Variants in TMEM132D observed in about 807,000 individuals in gnomAD.
TMEM132D encodes mature OL transmembrane protein.
In TMEM132D, 21 loss-of-function variants were observed where a neutral mutation model predicts 62.3. That is an observed-to-expected ratio of 0.34 (90% confidence interval 0.24 to 0.49). The LOEUF is 0.49. Ranked by LOEUF, TMEM132D falls within the 20% of genes least tolerant of loss-of-function variation. The pLI, the probability that TMEM132D is intolerant of heterozygous loss-of-function variation, is 0.99. For synonymous variants in TMEM132D, 621 were observed against 575.6 expected (o/e 1.08, Z -1.13); for missense variants, 1,346 against 1,402.8 (o/e 0.96, Z 0.65).
intron 3 of TMEM132D, among the ~76,000 whole-genome samples, chr12:129,383,788 G>A (rs890868473): frequency 6.6e-6 from 1 of 152,134 alleles, no homozygotes; most frequent in African/African-American, 2.4e-5. Context: ...TTAGTACAAT[G>A]GTTCTTGCCC....
chr12:129,463,406 C>A (rs1873749506), intron 3 of TMEM132D, among the ~76,000 whole-genome samples: 2 of 151,656 alleles, frequency 1.3e-5, no homozygotes, highest in South Asian at 4.2e-4. Context: ...ACATAAGCAA[C>A]CCAAAACAGC....
chr12:129,580,806 T>C (rs147995987), intron 2 of TMEM132D, among the ~76,000 whole-genome samples: 2 of 152,326 alleles, frequency 1.3e-5, no homozygotes, highest in East Asian at 1.9e-4. Flanking sequence ...TAGATTGACA[T>C]AGTTCATCAC....
intron 2 of TMEM132D, among the ~76,000 whole-genome samples, chr12:129,638,971 A>G (rs1475619573): frequency 6.6e-6 from 1 of 152,222 alleles, no homozygotes; most frequent in Non-Finnish European, 1.5e-5. Flanking sequence ...GGATTGAAGT[A>G]TCCGAGAGGA....
chr12:129,828,239 A>G (rs574752654), intron 1 of TMEM132D, among the ~76,000 whole-genome samples: 2 of 152,240 alleles, frequency 1.3e-5, no homozygotes, highest in South Asian at 2.1e-4. Context: ...CGAGCCAGAG[A>G]ATTTTCCTTA....
chr12:129,074,314 T>C lies in TMEM132D; in HGVS notation c.2861A>G (p.Glu954Gly). ...KYRHKQVPFE[E>G]QEGMSHSHDW... ...ATGAGAGTGACTCATCCCTTCCTGC[T>C]CCTCGAAGGGAACCTGTTTGTGTCT... The change falls in exon 9 of 9, where the codon GAG becomes GGG. Residue 954 changes from glutamate to glycine, a missense_variant. Coordinates refer to ENST00000422113, the MANE Select transcript of TMEM132D (RefSeq NM_133448.3). 6.2e-7 allele frequency: 1 copy of C among 1,614,102 alleles called. No individual in the cohort carries two copies. Among genetic ancestry groups the C allele is most frequent in the Non-Finnish European group, 8.5e-7 (1 of 1,180,040 alleles).
chr12:129,385,898 G>C (rs111292213), intron 3 of TMEM132D, among the ~76,000 whole-genome samples: 4,383 of 152,274 alleles, frequency 0.029, 219 homozygotes, highest in African/African-American at 0.1. Flanking sequence ...ATTGCACACA[G>C]AGGCCCCAGA....
At chr12:129,105,613 A>G (rs1053700444) in intron 5 of TMEM132D, among the ~76,000 whole-genome samples, 2 of 150,910 alleles carry the variant, frequency 1.3e-5, no homozygotes, top group African/African-American at 5.0e-5. Flanking sequence ...GAAGGACATG[A>G]ACAGACAATC....
At chr12:129,406,371 ACC>A (rs1205437647) in intron 3 of TMEM132D, among the ~76,000 whole-genome samples, 2 of 152,220 alleles carry the variant, frequency 1.3e-5, no homozygotes, top group African/African-American at 4.8e-5. Flanking sequence ...CTGTAATCCC[ACC>A]ACTTTGGGAG....
At chr12:129,117,785 T>C (rs78893073) in intron 5 of TMEM132D, among the ~76,000 whole-genome samples, 2,571 of 152,372 alleles carry the variant, frequency 0.017, 85 homozygotes, top group African/African-American at 0.059. Flanking sequence ...TTTTCTTTAA[T>C]TCACAAAGCT....
At chr12:129,434,744 C>T (rs1336495522) in intron 3 of TMEM132D, among the ~76,000 whole-genome samples, 3 of 151,858 alleles carry the variant, frequency 2.0e-5, no homozygotes, top group Admixed American at 6.6e-5. Context: ...CTTTGCATAA[C>T]GATCAAATCA....
intron 1 of TMEM132D, among the ~76,000 whole-genome samples, chr12:129,816,645 T>C (rs1220650441): frequency 6.6e-6 from 1 of 151,992 alleles, no homozygotes; most frequent in Non-Finnish European, 1.5e-5. Flanking sequence ...CGAGATGAAA[T>C]GGAAGAAAGA....
chr12:129,165,476 A>G (rs1241803515), intron 5 of TMEM132D, among the ~76,000 whole-genome samples: 1 of 152,228 alleles, frequency 6.6e-6, no homozygotes, highest in Non-Finnish European at 1.5e-5. Context: ...AAAGAAATGG[A>G]TCAGTTGTTT....
chr12:129,362,379 G>T (rs1870274485), intron 3 of TMEM132D, among the ~76,000 whole-genome samples: 1 of 152,086 alleles, frequency 6.6e-6, no homozygotes, highest in African/African-American at 2.4e-5. Context: ...ATTTAAAAGT[G>T]AAATGTCCTT....
At chr12:129,736,913 G>A (rs1181413886) in intron 1 of TMEM132D, among the ~76,000 whole-genome samples, 1 of 151,578 alleles carries the variant, frequency 6.6e-6, no homozygotes, top group Non-Finnish European at 1.5e-5. Flanking sequence ...TGCCACCCGG[G>A]CTCAAGCGAT....
At chr12:129,567,396 C>T (rs973922618) in intron 2 of TMEM132D, among the ~76,000 whole-genome samples, 5 of 152,076 alleles carry the variant, frequency 3.3e-5, no homozygotes, top group Admixed American at 3.3e-4. Context: ...ATCCACATTG[C>T]AACTAACTAT....
chr12:129,474,832 C>A (rs532228338), intron 3 of TMEM132D, among the ~76,000 whole-genome samples: 1 of 152,242 alleles, frequency 6.6e-6, no homozygotes, highest in African/African-American at 2.4e-5. Flanking sequence ...ATGACATTGA[C>A]CTCCAGAGGA....
intron 2 of TMEM132D, among the ~76,000 whole-genome samples, chr12:129,595,423 G>A (rs2137138308): frequency 6.6e-6 from 1 of 152,308 alleles, no homozygotes; most frequent in South Asian, 2.1e-4. Context: ...GACCACAGGG[G>A]GAGAGAAGAG....
In TMEM132D at chr12:129,571,593, A is replaced by T. The variant is rs189372058; in HGVS notation, c.969-40388T>A. 3.6e-3 allele frequency among the ~76,000 whole-genome samples: 550 copies of T among 152,136 alleles called. 2 individuals carry two copies. The highest frequency in any genetic ancestry group is 0.012 in the African/African-American group (506 of 41,528). ...ATCTCAAAAAAAATAATAATAATAA[A>T]AAAGAAATTTAAAATGCACCTGAAG... On this transcript the variant is annotated intron_variant, in intron 2 of 8. Transcript: ENST00000422113.
chr12:129,546,694 A>C lies in TMEM132D; in HGVS notation c.969-15489T>G, dbSNP rs547033825. On this transcript the variant is annotated intron_variant, in intron 2 of 8. Transcript: ENST00000422113. ...CATACACCTGTAATCCCAGCAACTC[A>C]GGAGGCTGAGGCAGGAGAATTGCTT... is the stretch of plus-strand genomic sequence containing the variant. Among the ~76,000 whole-genome samples the C allele has an allele frequency of 3.9e-5, 6 of 152,104 alleles. No individual in the cohort carries two copies. In the East Asian group the frequency reaches 1.2e-3, roughly 30 times the overall value.
Sources: gnomAD v4.1 joint callset for allele counts (sites outside exome capture counted in the v4.1 genomes callset) on GRCh38, gnomAD v4.1.1 for gene constraint, MANE v1.5 for transcripts, NCBI Gene and HGNC (gene_info 2026-07-23, HGNC 2026-07-21) for gene names.